The following FKBP9 variants were observed in gnomAD, a reference collection of about 807,000 sequenced individuals.
The protein encoded by FKBP9 is FKBP prolyl isomerase 9, also known as peptidyl-prolyl cis-trans isomerase FKBP9.
FKBP9 carries 27 observed loss-of-function variants against 55.6 expected under a neutral mutation model. That is an observed-to-expected ratio of 0.49 (90% CI 0.36 to 0.67). The LOEUF is 0.67. FKBP9 is among the 30% of genes least tolerant of loss of function. FKBP9 has a pLI of 0.00. For synonymous variants in FKBP9, 267 were observed against 296.5 expected (o/e 0.90, Z 1.02); for missense variants, 539 against 742.8 (o/e 0.73, Z 3.19).
chr7:32,998,377 G>C (rs943828410), intron 7 of FKBP9, among the ~76,000 whole-genome samples: 1 of 152,150 alleles, frequency 6.6e-6, no homozygotes, highest in South Asian at 2.1e-4. Context: ...ATTCCTTCTC[G>C]GAGGCTCCAG....
At chr7:33,002,290 C>T (rs1250289982) in intron 8 of FKBP9, among the ~76,000 whole-genome samples, 1 of 152,082 alleles carries the variant, frequency 6.6e-6, no homozygotes. Flanking sequence ...CCCACCACCA[C>T]ACCAGCTAAT....
intron 4 of FKBP9, among the ~76,000 whole-genome samples, chr7:32,978,515 G>A (rs1784407622): frequency 6.6e-6 from 1 of 152,042 alleles, no homozygotes; most frequent in African/African-American, 2.4e-5. Flanking sequence ...GTGCCACCAT[G>A]CTTGGCTAGT....
intron 1 of FKBP9, among the ~76,000 whole-genome samples, chr7:32,965,812 A>AAAAAATATATAT (rs1554284289): frequency 2.9e-5 from 1 of 34,934 alleles, no homozygotes; most frequent in African/African-American, 1.2e-4. Context: ...AAAAAAAAAA[A>AAAAAATATATAT]ATATATATAT....
intron 6 of FKBP9, among the ~76,000 whole-genome samples, chr7:32,989,298 C>T (rs1784637728): frequency 6.6e-6 from 1 of 152,028 alleles, no homozygotes; most frequent in African/African-American, 2.4e-5. Context: ...TTTTTGTCAC[C>T]CTCATACCAC....
chr7:32,991,268 G>T (rs954106662), intron 6 of FKBP9, among the ~76,000 whole-genome samples: 14 of 152,220 alleles, frequency 9.2e-5, no homozygotes, highest in African/African-American at 3.4e-4. Flanking sequence ...CTGGGAAGCA[G>T]CCGAAGGCTC....
chr7:33,003,683 A>G (rs1327309129), intron 9 of FKBP9, among the ~76,000 whole-genome samples: 1 of 152,132 alleles, frequency 6.6e-6, no homozygotes, highest in Non-Finnish European at 1.5e-5. Context: ...CCCCTACAGG[A>G]CGCATCTTTC....
Position 32,957,585 on chromosome 7 carries a change from G to T in FKBP9, c.12G>T (p.Arg4=). MAF[R]GWRPPPPPLL... ...TTCTCGCCGCCCCGATGGCGTTCCG[G>T]GGCTGGAGGCCCCCGCCGCCACCGC... The change falls in exon 1 of 10, where the codon CGG becomes CGT. Residue 4 remains arginine (R), a synonymous_variant. Transcript: ENST00000242209. 3 of 1,470,986 alleles carry T rather than the reference G, an allele frequency of 2.0e-6. No individual in the cohort carries two copies. Among genetic ancestry groups the T allele is most frequent in the Non-Finnish European group, 1.8e-6 (2 of 1,120,382 alleles). 91.1% of individuals were successfully genotyped at this position (1,470,986 alleles called of 1,614,324 possible).
intron 1 of FKBP9, among the ~76,000 whole-genome samples, chr7:32,959,235 C>T (rs2127974620): frequency 6.6e-6 from 1 of 151,876 alleles, no homozygotes; most frequent in African/African-American, 2.4e-5. Context: ...GAAACCCGGT[C>T]TCTACTAAAA....
rs572685017 is a variant in FKBP9, at chr7:32,974,707, C to A, written c.312C>A (p.Asn104Lys). The change falls in exon 2 of 10, where the codon AAC (asparagine) becomes AAA (lysine). Residue 104 changes from asparagine (N) to lysine (K), a missense_variant. This residue lies in a region of FKBP9 where 236 missense variants were observed against 271.5 expected (regional missense o/e 0.87). Transcript: ENST00000242209. ...AGGCTCTTGTTGGGATGTGCGTAAACGAGAGACGTTTCGTGAAGATTCCCC... is the reference window on the plus strand; with the variant it reads ...AGGCTCTTGTTGGGATGTGCGTAAAAGAGAGACGTTTCGTGAAGATTCCCC... The part of the protein sequence containing the change: ...MDQALVGMCV[N>K]ERRFVKIPPK... The A allele has an allele frequency of 6.2e-7, 1 of 1,613,880 alleles. No individual in the cohort carries two copies. The highest frequency in any genetic ancestry group is 2.2e-5 in the East Asian group (1 of 44,876).
At chr7:32,968,815 G>A (rs1583844154) in intron 1 of FKBP9, among the ~76,000 whole-genome samples, 1 of 151,654 alleles carries the variant, frequency 6.6e-6, no homozygotes, top group Non-Finnish European at 1.5e-5. Flanking sequence ...ATGCCACCAT[G>A]CCTGGCTAAT....
At chr7:32,973,345 G>A (rs1784288863) in intron 1 of FKBP9, among the ~76,000 whole-genome samples, 2 of 152,026 alleles carry the variant, frequency 1.3e-5, no homozygotes, top group African/African-American at 4.8e-5. Flanking sequence ...ACGTATATTA[G>A]TGATCCTAAG....
chr7:33,002,489 T>C (rs543663135), intron 8 of FKBP9, among the ~76,000 whole-genome samples, 187 bp from the exon 9 acceptor site: 6 of 152,272 alleles, frequency 3.9e-5, no homozygotes. Context: ...CCCTCTAAAC[T>C]GATTTCGTGA....
At chr7:32,982,115 G>C (rs186552094) in intron 5 of FKBP9, among the ~76,000 whole-genome samples, 472 of 150,544 alleles carry the variant, frequency 3.1e-3, no homozygotes, top group Non-Finnish European at 4.3e-3. Flanking sequence ...CCACCTCCCA[G>C]GTTCAAGTGA....
intron 1 of FKBP9, among the ~76,000 whole-genome samples, chr7:32,967,097 A>G (rs1362140963): frequency 3.9e-5 from 6 of 152,052 alleles, no homozygotes; most frequent in Non-Finnish European, 8.8e-5. Flanking sequence ...CTGTCAGGTA[A>G]CCCCTAGCTG....
At chr7:32,981,412 GT>G (rs1784473073) in intron 5 of FKBP9, among the ~76,000 whole-genome samples, 1 of 152,086 alleles carries the variant, frequency 6.6e-6, no homozygotes, top group South Asian at 2.1e-4. Flanking sequence ...GTTTTGTTTT[GT>G]TTATCAGCCA....
chr7:33,002,418 C>T (rs1784951203), intron 8 of FKBP9, among the ~76,000 whole-genome samples: 1 of 152,188 alleles, frequency 6.6e-6, no homozygotes, highest in Admixed American at 6.5e-5. Flanking sequence ...TAGGCGTGAG[C>T]CACCATGCCT....
chr7:32,975,291 C>T lies in FKBP9; in HGVS notation c.477C>T (p.Cys159=). The T allele has an allele frequency of 6.2e-7, 1 of 1,613,806 alleles. No homozygotes were observed. Among genetic ancestry groups the T allele is most frequent in the Non-Finnish European group, 8.5e-7 (1 of 1,179,688 alleles). ...QIHTYFKPPS[C]PRTIQVSDFV... ...ACACCTATTTCAAGCCCCCGAGTTG[C>T]CCTCGGACCATCCAGGTGTCTGATT... The change falls in exon 3 of 10, where the codon TGC becomes TGT. Residue 159 remains cysteine, a synonymous_variant. Coordinates refer to ENST00000242209, the MANE Select transcript of FKBP9 (RefSeq NM_007270.5).
chr7:32,980,295 C>G (rs1183933802), intron 4 of FKBP9, 69 bp from the exon 5 acceptor site: 1 of 1,370,190 alleles, frequency 7.3e-7, no homozygotes. Context: ...CAACCCCAAG[C>G]CTGTTGAGTT....
At chr7:32,965,370 A>G (rs1784112098) in intron 1 of FKBP9, among the ~76,000 whole-genome samples, 1 of 152,052 alleles carries the variant, frequency 6.6e-6, no homozygotes, top group South Asian at 2.1e-4. Context: ...AGCTCAAGTG[A>G]TCCACCCGCC....
Sources: gnomAD v4.1 joint callset for allele counts (sites outside exome capture counted in the v4.1 genomes callset) on GRCh38, gnomAD v4.1.1 for gene constraint, gnomAD v4.1.1 regional missense constraint, MANE v1.5 for transcripts, NCBI Gene and HGNC (gene_info 2026-07-23, HGNC 2026-07-21) for gene names.